Variants in GIMAP2 observed in about 807,000 individuals in gnomAD.
GIMAP2 encodes GTPase IMAP family member 2.
A neutral mutation model predicts 25.5 loss-of-function variants in GIMAP2; 22 were observed. The observed-to-expected ratio is 0.86, with a 90% CI of 0.62 to 1.23. The LOEUF (loss-of-function observed/expected upper bound fraction) is 1.23, where lower values mean the gene tolerates loss of function less well. Ranked by LOEUF, GIMAP2 falls within the 50% of genes most tolerant of loss-of-function variation. GIMAP2 has a pLI of 0.00. For missense variants in GIMAP2, 422 were observed against 395.7 expected, an observed-to-expected ratio of 1.07 and a Z score of -0.56; for synonymous variants, 167 against 143.0, an observed-to-expected ratio of 1.17 and a Z score of -1.20.
At chr7:150,687,112 GTGTGTGTGTGTGTGTGTGTGT>G in intron 2 of GIMAP2, 25 bp downstream of exon 2, 1 of 359,874 alleles carries the variant, frequency 2.8e-6, no homozygotes, top group South Asian at 3.2e-5. Context: ...TCACGTGTGT[GTGTGTGTGTGTGTGTGTGTGT>G]GTGTGTGTGT....
Position 150,693,516 on chromosome 7 carries a change from CCT to C in GIMAP2, c.*220_*221del. 1 of 429,514 alleles carries C rather than the reference CCT, an allele frequency of 2.3e-6. No homozygotes were observed. The allele number at this position is 429,514 out of a possible 1,614,324, so 26.6% of individuals were successfully genotyped here. Reference sequence around the variant, plus strand: ...TTTTGAAATCTGTAAACATAAAATTCCTCTCATTTTCAAATATCTAAAGCCAG... The same window carrying C: ...TTTTGAAATCTGTAAACATAAAATTCCTCATTTTCAAATATCTAAAGCCAG... On this transcript the variant is annotated 3_prime_UTR_variant, in exon 3 of 3. Coordinates refer to ENST00000223293, the MANE Select transcript of GIMAP2 (RefSeq NM_015660.3).
At chr7:150,690,515 G>C (rs1421836195) in intron 2 of GIMAP2, among the ~76,000 whole-genome samples, 1 of 152,142 alleles carries the variant, frequency 6.6e-6, no homozygotes, top group Non-Finnish European at 1.5e-5. Context: ...AGGTAATGCA[G>C]GTAAACCACT....
chr7:150,689,188 T>A (rs1028270721), intron 2 of GIMAP2, among the ~76,000 whole-genome samples: 1 of 152,214 alleles, frequency 6.6e-6, no homozygotes, highest in African/African-American at 2.4e-5. Context: ...TACATCTAAC[T>A]CCTCTCAAAA....
chr7:150,692,541 G>A lies in GIMAP2; in HGVS notation c.255G>A (p.Lys85=), dbSNP rs1796978928. 1.9e-6 allele frequency: 3 copies of A among 1,614,158 alleles called. No homozygotes were observed. The highest frequency in any genetic ancestry group is 1.7e-6 in the Non-Finnish European group (2 of 1,180,002). ...IIDTPDMFSW[K]DHCEALYKEV... ...ACACACCAGATATGTTTTCTTGGAAGGACCACTGTGAAGCTCTGTACAAAG... is the reference window on the plus strand; with the variant it reads ...ACACACCAGATATGTTTTCTTGGAAAGACCACTGTGAAGCTCTGTACAAAG... Residue 85 remains lysine, a synonymous_variant, in exon 3 of 3, where the codon AAG becomes AAA. Transcript: ENST00000223293.
intron 2 of GIMAP2, among the ~76,000 whole-genome samples, chr7:150,690,755 A>G (rs1796958157): frequency 6.6e-6 from 1 of 152,232 alleles, no homozygotes; most frequent in African/African-American, 2.4e-5. Flanking sequence ...CACCACATGG[A>G]GTAAACCATC....
intron 2 of GIMAP2, among the ~76,000 whole-genome samples, chr7:150,690,200 TG>T (rs1213531015): frequency 1.3e-5 from 2 of 152,164 alleles, no homozygotes; most frequent in African/African-American, 4.8e-5. Context: ...CAAGAGACAT[TG>T]GCTCCTGTGA....
chr7:150,693,470 T>C lies in GIMAP2; in HGVS notation c.*170T>C, dbSNP rs975927156. The C allele has an allele frequency of 1.2e-5, 6 of 514,206 alleles. No individual in the cohort carries two copies. The highest frequency in any genetic ancestry group is 7.9e-5 in the African/African-American group (4 of 50,922). 31.9% of individuals were successfully genotyped at this position (514,206 alleles called of 1,614,324 possible). A position where few individuals can be genotyped will look rare whatever the true frequency, so the allele number is the denominator to read the frequency against. ...ATCATACGATAAGTTACTGTTTGCA[T>C]TGAAATATAATATCAAAGCCTTTTG... is the stretch of plus-strand genomic sequence containing the variant. On this transcript the variant is annotated 3_prime_UTR_variant, in exon 3 of 3. Coordinates refer to ENST00000223293, the MANE Select transcript of GIMAP2 (RefSeq NM_015660.3).
At chr7:150,690,612 C>T (rs760741183) in intron 2 of GIMAP2, among the ~76,000 whole-genome samples, 8 of 152,158 alleles carry the variant, frequency 5.3e-5, no homozygotes, top group Non-Finnish European at 1.2e-4. Flanking sequence ...TTACTTAACC[C>T]CTGCATGCAA....
intron 2 of GIMAP2, among the ~76,000 whole-genome samples, chr7:150,690,058 G>T (rs73476569): frequency 0.029 from 4,407 of 152,236 alleles, 216 homozygotes; most frequent in African/African-American, 0.1. Flanking sequence ...CTTGATGGGT[G>T]AATTATATCT....
chr7:150,690,806 T>A (rs1796958537), intron 2 of GIMAP2, among the ~76,000 whole-genome samples: 1 of 152,210 alleles, frequency 6.6e-6, no homozygotes, highest in Non-Finnish European at 1.5e-5. Context: ...TTGTCCAAGA[T>A]CATATGACTA....
rs905483018 is a variant in GIMAP2 at position 150,687,088 on chromosome 7, G to A, written c.28+1G>A. 2 of 1,605,220 alleles carry A rather than the reference G, an allele frequency of 1.2e-6. No homozygotes were observed. The highest frequency in any genetic ancestry group is 1.3e-5 in the African/African-American group (1 of 74,102). On this transcript the variant is annotated splice_donor_variant, in intron 2 of 2. Coordinates refer to ENST00000223293, the MANE Select transcript of GIMAP2 (RefSeq NM_015660.3). LOFTEE classifies it high-confidence loss of function. ...GACCAAAATGAACACAGTCACTGGG[G>A]TAAGAAGGTGACTTCACGTGTGTGT...
At position 150,692,305 on chromosome 7, in the gene GIMAP2, C is replaced by T; in HGVS notation, c.29-10C>T. ...GTGTAGCGATAACACAGTAAACTTG[C>T]TCCTCACAGGACCACATGCAAAGGG... On this transcript the variant is annotated splice_polypyrimidine_tract_variant and intron_variant, in intron 2 of 2. Coordinates refer to ENST00000223293, the MANE Select transcript of GIMAP2 (RefSeq NM_015660.3). 1 of 1,609,476 alleles carries T rather than the reference C, an allele frequency of 6.2e-7. No individual in the cohort carries two copies. Among genetic ancestry groups the T allele is most frequent in the Middle Eastern group, 1.7e-4 (1 of 6,050 alleles).
chr7:150,687,652 CTT>C (rs1481695714), intron 2 of GIMAP2: 1 of 152,166 alleles, frequency 6.6e-6, no homozygotes, highest in Non-Finnish European at 1.5e-5. Flanking sequence ...TTTCAGATCT[CTT>C]TGAAATACTC....
chr7:150,693,017 T>A lies in GIMAP2; in HGVS notation c.731T>A (p.Ile244Lys). The A allele has an allele frequency of 6.2e-7, 1 of 1,614,192 alleles. No individual in the cohort carries two copies. The highest frequency in any genetic ancestry group is 8.5e-7 in the Non-Finnish European group (1 of 1,180,010). ...ERVKEFKQSL[I>K]KYMETQRSYT... Reference sequence around the variant, plus strand: ...GTAAAGGAATTCAAACAGAGCCTTATAAAGTACATGGAAACTCAAAGAAGT... The same window carrying A: ...GTAAAGGAATTCAAACAGAGCCTTAAAAAGTACATGGAAACTCAAAGAAGT... The change falls in exon 3 of 3, where the codon ATA (isoleucine) becomes AAA (lysine). Residue 244 changes from isoleucine to lysine, a missense_variant. Transcript: ENST00000223293.
At chr7:150,689,318 A>G (rs531449145) in intron 2 of GIMAP2, among the ~76,000 whole-genome samples, 2 of 152,090 alleles carry the variant, frequency 1.3e-5, no homozygotes, top group African/African-American at 4.8e-5. Flanking sequence ...GACATGCCCA[A>G]TATTTATGAG....
rs1796980994 is a variant in GIMAP2 at position 150,692,667 on chromosome 7, G to A, written c.381G>A (p.Gln127=). 6.2e-7 allele frequency: 1 copy of A among 1,614,130 alleles called. No homozygotes were observed. Among genetic ancestry groups the A allele is most frequent in the South Asian group, 1.1e-5 (1 of 91,094 alleles). ...CCTCACAGGACCAGCAGGCTGCACA[G>A]AGGGTGAAGGAGATCTTTGGAGAGG... ...RYTSQDQQAA[Q]RVKEIFGEDA... Residue 127 remains glutamine (Q), a synonymous_variant, in exon 3 of 3, where the codon CAG becomes CAA. Transcript: ENST00000223293.
In GIMAP2 at chr7:150,689,828, T is replaced by C. The variant is rs545249532; in HGVS notation, c.29-2487T>C. 14 of 373,066 alleles carry C rather than the reference T, an allele frequency of 3.8e-5. No homozygotes were observed. In the South Asian group the frequency reaches 9.3e-4, roughly 25 times the overall value. 23.1% of individuals were successfully genotyped at this position (373,066 alleles called of 1,614,324 possible). A position where few individuals can be genotyped will look rare whatever the true frequency, so the allele number is the denominator to read the frequency against. The stretch of plus-strand genomic sequence containing the variant: ...ATGCCAGCTTTTTCATTTACAAAAC[T>C]GGTTACTTTTAATGGGCTCTAAGTT... On this transcript the variant is annotated intron_variant, in intron 2 of 2. Transcript: ENST00000223293.
In GIMAP2 at chr7:150,693,454, TAA is replaced by T. The variant is rs1292194573; in HGVS notation, c.*155_*156del. ...ATTATTAATGAACCAAATCATACGA[TAA>T]GTTACTGTTTGCATTGAAATATAAT... On this transcript the variant is annotated 3_prime_UTR_variant, in exon 3 of 3. Coordinates refer to ENST00000223293, the MANE Select transcript of GIMAP2 (RefSeq NM_015660.3). The T allele has an allele frequency of 1.6e-5, 9 of 545,754 alleles. No individual in the cohort carries two copies. Among genetic ancestry groups the T allele is most frequent in the Middle Eastern group, 4.7e-4 (1 of 2,118 alleles). 33.8% of individuals were successfully genotyped at this position (545,754 alleles called of 1,614,324 possible).
In GIMAP2 at chr7:150,687,117, T is replaced by C. The variant is rs561881412; in HGVS notation, c.28+30T>C. On this transcript the variant is annotated intron_variant, in intron 2 of 2. Transcript: ENST00000223293. ...GAAGGTGACTTCACGTGTGTGTGTG[T>C]GTGTGTGTGTGTGTGTGTGTGTGTG... 1.4e-5 allele frequency: 9 copies of C among 642,486 alleles called. No individual in the cohort carries two copies. The Middle Eastern group carries it at 1.1e-3, about 80-fold the overall frequency. The allele number at this position is 642,486 out of a possible 1,614,324, so 39.8% of individuals were successfully genotyped here.
Sources: allele counts gnomAD v4.1 joint callset (sites outside exome capture counted in the v4.1 genomes callset), GRCh38; gene constraint gnomAD v4.1.1; transcripts MANE v1.5; gene names NCBI Gene and HGNC (gene_info 2026-07-23, HGNC 2026-07-21).